RYR3: variants seen among roughly 807,000 people sequenced by gnomAD.
RYR3 encodes the protein brain ryanodine receptor-calcium release channel.
Under a neutral mutation model 584.3 loss-of-function variants are expected in RYR3, and 207 were observed. The observed-to-expected ratio is 0.35, with a 90% CI of 0.32 to 0.40. The LOEUF is 0.40. Among genes scored for constraint, RYR3 ranks in the 10% least tolerant of loss-of-function variants. The pLI is 1.00. For missense variants in RYR3, 5,616 were observed against 6,089.2 expected, an observed-to-expected ratio of 0.92 and a Z score of 2.59; for synonymous variants, 2,416 against 2,248.5, an observed-to-expected ratio of 1.07 and a Z score of -2.11.
At chr15:33,760,304 G>A (rs955359112) in intron 60 of RYR3, among the ~76,000 whole-genome samples, 1 of 152,132 alleles carries the variant, frequency 6.6e-6, no homozygotes, top group Admixed American at 6.5e-5. Context: ...AAATGCAAAT[G>A]GGCGAAATGC....
At chr15:33,587,467 AG>A in intron 16 of RYR3, among the ~76,000 whole-genome samples, 1 of 152,178 alleles carries the variant, frequency 6.6e-6, no homozygotes, top group Non-Finnish European at 1.5e-5. Flanking sequence ...TTCAGCCAAA[AG>A]CCACAAAGCA....
chr15:33,524,803 G>A (rs569743000), intron 3 of RYR3, among the ~76,000 whole-genome samples: 4 of 152,012 alleles, frequency 2.6e-5, no homozygotes, highest in African/African-American at 4.8e-5. Flanking sequence ...TCTAATATGC[G>A]TCATTTATTC....
intron 47 of RYR3, among the ~76,000 whole-genome samples, chr15:33,730,340 G>C (rs2068843186): frequency 6.6e-6 from 1 of 152,072 alleles, no homozygotes; most frequent in South Asian, 2.1e-4. Context: ...ACAACAAAAA[G>C]GTGTTATATT....
intron 16 of RYR3, among the ~76,000 whole-genome samples, chr15:33,592,519 C>T (rs2059179979): frequency 6.6e-6 from 1 of 152,168 alleles, no homozygotes; most frequent in African/African-American, 2.4e-5. Flanking sequence ...GATGGTGGGG[C>T]CCACTCCTGG....
At chr15:33,844,631 C>T (rs2078595266) in intron 92 of RYR3, among the ~76,000 whole-genome samples, 1 of 152,150 alleles carries the variant, frequency 6.6e-6, no homozygotes, top group Non-Finnish European at 1.5e-5. Flanking sequence ...AATTTTTTTG[C>T]TTTCTTCTCA....
intron 1 of RYR3, among the ~76,000 whole-genome samples, chr15:33,418,884 C>A (rs560198472): frequency 6.6e-6 from 1 of 151,964 alleles, no homozygotes; most frequent in African/African-American, 2.4e-5. Flanking sequence ...GAAACCAGAA[C>A]GCAATGAGTT....
intron 64 of RYR3, among the ~76,000 whole-genome samples, chr15:33,776,748 C>T (rs562260196): frequency 1.3e-5 from 2 of 152,228 alleles, no homozygotes; most frequent in East Asian, 1.9e-4. Context: ...CATTTACGTG[C>T]AAGATATTAT....
At chr15:33,609,546 T>TG (rs1212587985) in intron 18 of RYR3, among the ~76,000 whole-genome samples, 1 of 152,126 alleles carries the variant, frequency 6.6e-6, no homozygotes, top group African/African-American at 2.4e-5. Context: ...CCCAGTTACT[T>TG]GGGGGCTGCA....
intron 1 of RYR3, among the ~76,000 whole-genome samples, chr15:33,393,107 G>A (rs897002786): frequency 2.6e-5 from 4 of 152,204 alleles, no homozygotes; most frequent in Non-Finnish European, 5.9e-5. Flanking sequence ...TATCAAGAGA[G>A]ATACTGCCAA....
chr15:33,754,569 C>T (rs1425983409), intron 57 of RYR3, among the ~76,000 whole-genome samples: 2 of 152,164 alleles, frequency 1.3e-5, no homozygotes, highest in African/African-American at 4.8e-5. Context: ...GTGAGACCAA[C>T]CCTGACTACC....
At chr15:33,831,284 C>G (rs905401148) in intron 86 of RYR3, among the ~76,000 whole-genome samples, 193 bp downstream of exon 86, 135 of 152,250 alleles carry the variant, frequency 8.9e-4, no homozygotes, top group African/African-American at 3.0e-3. Flanking sequence ...TGGGGTCCCC[C>G]CACTGGACCT....
At chr15:33,833,689 G>A (rs548408926) in intron 86 of RYR3, among the ~76,000 whole-genome samples, 2 of 152,274 alleles carry the variant, frequency 1.3e-5, no homozygotes, top group South Asian at 4.1e-4. Context: ...TGGTGAATGT[G>A]TTTCTTTCAG....
chr15:33,353,544 G>A (rs1354480607), intron 1 of RYR3, among the ~76,000 whole-genome samples: 1 of 152,154 alleles, frequency 6.6e-6, no homozygotes, highest in African/African-American at 2.4e-5. Context: ...TAACCATACT[G>A]GTTTGCCCAA....
intron 86 of RYR3, among the ~76,000 whole-genome samples, chr15:33,832,018 A>T (rs1457812817): frequency 6.6e-6 from 1 of 152,174 alleles, no homozygotes; most frequent in Non-Finnish European, 1.5e-5. Context: ...ATACAGCCAG[A>T]TGCGGTGGCT....
At chr15:33,665,067 T>G (rs1017055017) in intron 36 of RYR3, among the ~76,000 whole-genome samples, 4 of 152,208 alleles carry the variant, frequency 2.6e-5, no homozygotes, top group Non-Finnish European at 4.4e-5. Flanking sequence ...GAATTACTCC[T>G]GAAGGCTTTA....
chr15:33,387,103 T>G lies in RYR3; in HGVS notation c.51+76007T>G, dbSNP rs188784197. 3.3e-3 allele frequency among the ~76,000 whole-genome samples: 505 copies of G among 152,264 alleles called. 1 individual carries two copies. The highest frequency in any genetic ancestry group is 0.011 in the African/African-American group (472 of 41,550). On this transcript the variant is annotated intron_variant, in intron 1 of 103. Transcript: ENST00000634891. ...CGATCTCCTGACCTCGTGATCCACC[T>G]GCCTCAGCCTCCCAAAGTGCTGGGA...
At chr15:33,657,968 GA>G (rs1188424238) in intron 32 of RYR3, among the ~76,000 whole-genome samples, 1 of 152,198 alleles carries the variant, frequency 6.6e-6, no homozygotes, top group Admixed American at 6.5e-5. Context: ...ATACATTGAG[GA>G]AGTTCATTAT....
In RYR3 at chr15:33,696,481, A is replaced by G. The variant is rs1321347679; in HGVS notation, c.6124A>G (p.Asn2042Asp). 6.2e-7 allele frequency: 1 copy of G among 1,613,924 alleles called. No individual in the cohort carries two copies. The highest frequency in any genetic ancestry group is 8.5e-7 in the Non-Finnish European group (1 of 1,179,852). The stretch of plus-strand genomic sequence containing the variant: ...CAAGGAAGAGGAGTTGCTCATGATC[A>G]ATGGGCTGGGGTAGGTGATTCACGG... ...MGKEEELLMI[N>D]GLGDIMNNKV... Residue 2042 changes from asparagine (N) to aspartate (D), a missense_variant, in exon 39 of 104, where the codon AAT (asparagine) becomes GAT (aspartate). Transcript: ENST00000634891.
At chr15:33,314,818 G>A (rs1967881052) in intron 1 of RYR3, among the ~76,000 whole-genome samples, 1 of 152,202 alleles carries the variant, frequency 6.6e-6, no homozygotes, top group South Asian at 2.1e-4. Context: ...GGAGGCAGAG[G>A]CGGGAGAACG....
Sources: gnomAD v4.1 joint callset for allele counts (sites outside exome capture counted in the v4.1 genomes callset) on GRCh38, gnomAD v4.1.1 for gene constraint, MANE v1.5 for transcripts, NCBI Gene and HGNC (gene_info 2026-07-23, HGNC 2026-07-21) for gene names.